The following ENOX1 variants were observed in gnomAD, a reference collection of about 807,000 sequenced individuals.
The protein encoded by ENOX1 is candidate growth-related and time keeping constitutive hydroquinone (NADH) oxidase.
Under a neutral mutation model 82.5 loss-of-function variants are expected in ENOX1, and 42 were observed. The ratio of observed to expected loss-of-function variants is 0.51; its 90% CI spans 0.40 to 0.66. The LOEUF is 0.66. Ranked by LOEUF, ENOX1 falls within the 30% of genes least tolerant of loss-of-function variation. The pLI is 0.00. For synonymous variants in ENOX1, 271 were observed against 282.2 expected (o/e 0.96, Z 0.40); for missense variants, 608 against 811.6 (o/e 0.75, Z 3.05).
At chr13:43,360,086 T>A in intron 6 of ENOX1, 29 bp from the exon 7 acceptor site, 1 of 1,601,992 alleles carries the variant, frequency 6.2e-7, no homozygotes, top group Non-Finnish European at 8.5e-7. Flanking sequence ...CAGAAAGTTT[T>A]ATCTTTCATT....
At chr13:43,778,841 G>T (rs997385203) in intron 1 of ENOX1, among the ~76,000 whole-genome samples, 14 of 152,190 alleles carry the variant, frequency 9.2e-5, no homozygotes, top group African/African-American at 3.1e-4. Context: ...GCAGGGCAGG[G>T]CAGGGCAACA....
At chr13:43,230,816 T>C (rs1246206538) in intron 15 of ENOX1, among the ~76,000 whole-genome samples, 2 of 152,266 alleles carry the variant, frequency 1.3e-5, no homozygotes, top group Non-Finnish European at 2.9e-5. Context: ...AGCCCTGTTA[T>C]AGTTTAATTA....
intron 1 of ENOX1, among the ~76,000 whole-genome samples, chr13:43,709,737 A>T (rs972477955): frequency 6.6e-6 from 1 of 152,162 alleles, no homozygotes; most frequent in African/African-American, 2.4e-5. Context: ...AAAAACAGAA[A>T]TAACTACAAA....
At chr13:43,309,797 C>T (rs1351028243) in intron 11 of ENOX1, among the ~76,000 whole-genome samples, 1 of 151,168 alleles carries the variant, frequency 6.6e-6, no homozygotes, top group Non-Finnish European at 1.5e-5. Context: ...GATAACCTTT[C>T]TCACATCCCC....
At chr13:43,707,285 T>A (rs980041801) in intron 1 of ENOX1, among the ~76,000 whole-genome samples, 1 of 152,184 alleles carries the variant, frequency 6.6e-6, no homozygotes, top group South Asian at 2.1e-4. Flanking sequence ...AGATGTTTCA[T>A]GTTTCAGGGA....
chr13:43,785,039 T>C (rs577706689), intron 1 of ENOX1, among the ~76,000 whole-genome samples: 1 of 152,372 alleles, frequency 6.6e-6, no homozygotes, highest in South Asian at 2.1e-4. Context: ...CCGAAAGCAC[T>C]TTAACTGTTT....
chr13:43,361,192 A>C, intron 6 of ENOX1, 87 bp downstream of exon 6: 1 of 1,377,810 alleles, frequency 7.3e-7, no homozygotes, highest in South Asian at 1.3e-5. Context: ...CGTGTGAGTC[A>C]CATCTGAAAA....
intron 12 of ENOX1, among the ~76,000 whole-genome samples, chr13:43,281,850 T>C (rs1448326967): frequency 1.3e-5 from 2 of 152,198 alleles, no homozygotes; most frequent in African/African-American, 4.8e-5. Context: ...AGACTTTATG[T>C]AGCAATCTTT....
At chr13:43,276,301 C>T (rs942198565) in intron 12 of ENOX1, among the ~76,000 whole-genome samples, 11 of 152,134 alleles carry the variant, frequency 7.2e-5, no homozygotes, top group South Asian at 2.1e-4. Flanking sequence ...ATGAGTGTCC[C>T]GCCCCATCCT....
chr13:43,247,857 A>T (rs866393701), intron 14 of ENOX1, among the ~76,000 whole-genome samples: 4 of 1,652 alleles, frequency 2.4e-3, no homozygotes, highest in Admixed American at 8.5e-3. Context: ...ATATATATAT[A>T]TATATATATA....
At chr13:43,620,667 T>C (rs561229228) in intron 2 of ENOX1, among the ~76,000 whole-genome samples, 71 of 152,330 alleles carry the variant, frequency 4.7e-4, no homozygotes, top group Non-Finnish European at 9.1e-4. Context: ...TGGCCTATCA[T>C]ATGGTTTACC....
At chr13:43,760,255 T>C (rs1474631973) in intron 1 of ENOX1, among the ~76,000 whole-genome samples, 2 of 152,250 alleles carry the variant, frequency 1.3e-5, no homozygotes, top group Admixed American at 6.5e-5. Context: ...TAAAGGTTTA[T>C]TTAACATTTC....
At chr13:43,600,719 A>G (rs2081671670) in intron 2 of ENOX1, among the ~76,000 whole-genome samples, 1 of 152,156 alleles carries the variant, frequency 6.6e-6, no homozygotes. Context: ...GCCTTCGGCA[A>G]GACCCAGTGC....
At chr13:43,768,502 A>G (rs1951411066) in intron 1 of ENOX1, among the ~76,000 whole-genome samples, 1 of 152,156 alleles carries the variant, frequency 6.6e-6, no homozygotes, top group Non-Finnish European at 1.5e-5. Flanking sequence ...CATGCCTTGC[A>G]GTCTTAGCTA....
intron 2 of ENOX1, among the ~76,000 whole-genome samples, chr13:43,562,358 C>G (rs112720330): frequency 4.0e-5 from 6 of 151,702 alleles, no homozygotes; most frequent in African/African-American, 1.2e-4. Flanking sequence ...ACATGGTAAC[C>G]TCAAATAAAA....
At chr13:43,308,549 T>C (rs74067224) in intron 11 of ENOX1, among the ~76,000 whole-genome samples, 6,103 of 152,320 alleles carry the variant, frequency 0.04, 202 homozygotes, top group East Asian at 0.17. Context: ...CAATATTTTA[T>C]TCTTACCAGT....
chr13:43,515,361 C>T (rs2077521111), intron 2 of ENOX1, among the ~76,000 whole-genome samples: 1 of 152,126 alleles, frequency 6.6e-6, no homozygotes, highest in South Asian at 2.1e-4. Context: ...AATTTTCATT[C>T]ATAGTAGAGT....
rs568279193 is a variant in ENOX1 at position 43,515,810 on chromosome 13, G to A, written c.-218-31658C>T. 6.6e-5 allele frequency among the ~76,000 whole-genome samples: 10 copies of A among 151,832 alleles called. No homozygotes were observed. In the East Asian group the frequency reaches 1.7e-3, roughly 26 times the overall value. ...ATGGAACAGATCAGAGTTCCTCCAGGATGTCCTGCTCCATACTCCAATGCC... is the reference window on the plus strand; with the variant it reads ...ATGGAACAGATCAGAGTTCCTCCAGAATGTCCTGCTCCATACTCCAATGCC... On this transcript the variant is annotated intron_variant, in intron 2 of 16. Coordinates refer to ENST00000690772, the MANE Select transcript of ENOX1 (RefSeq NM_001347969.2).
At chr13:43,402,814 A>T (rs1398032848) in intron 5 of ENOX1, among the ~76,000 whole-genome samples, 1 of 151,964 alleles carries the variant, frequency 6.6e-6, no homozygotes, top group Non-Finnish European at 1.5e-5. Flanking sequence ...AAACACTCAA[A>T]CTCATTCTAA....
Sources: gnomAD v4.1 joint callset for allele counts (sites outside exome capture counted in the v4.1 genomes callset) on GRCh38, gnomAD v4.1.1 for gene constraint, MANE v1.5 for transcripts, NCBI Gene and HGNC (gene_info 2026-07-23, HGNC 2026-07-21) for gene names.